The following SAMD5 variants were observed in gnomAD, a reference collection of about 807,000 sequenced individuals.
The protein encoded by SAMD5 is sterile alpha motif domain-containing protein 5.
In SAMD5, 13 loss-of-function variants were observed where a neutral mutation model predicts 11.3. That is an observed-to-expected ratio of 1.15 (90% CI 0.75 to 1.83). The LOEUF is 1.83. SAMD5 is among the 40% of genes most tolerant of loss of function. SAMD5 has a pLI of 0.00. For missense variants in SAMD5, 255 were observed against 239.1 expected (o/e 1.07, Z -0.44); for synonymous variants, 129 against 111.3 (o/e 1.16, Z -1.00).
chr6:147,673,067 T>C (rs1204708182), intron 1 of SAMD5, among the ~76,000 whole-genome samples: 3 of 152,190 alleles, frequency 2.0e-5, no homozygotes, highest in Non-Finnish European at 4.4e-5. Flanking sequence ...TCTAGAATAA[T>C]GTTGAATAGT....
At chr6:147,840,319 G>A in the SAMD5 span, among the ~76,000 whole-genome samples, 1 of 152,206 alleles carries the variant, frequency 6.6e-6, no homozygotes, top group African/African-American at 2.4e-5. Flanking sequence ...ACTGTGCCTG[G>A]GGTGAAACAT....
intron 1 of SAMD5, among the ~76,000 whole-genome samples, chr6:147,717,080 A>G (rs1301722485): frequency 6.6e-6 from 1 of 152,032 alleles, no homozygotes; most frequent in Non-Finnish European, 1.5e-5. Context: ...CTAAAATCCA[A>G]ATTTTTCATC....
intron 1 of SAMD5, among the ~76,000 whole-genome samples, chr6:147,526,388 A>G (rs1009313033): frequency 1.3e-5 from 2 of 152,236 alleles, no homozygotes; most frequent in African/African-American, 4.8e-5. Flanking sequence ...TGGAAATTAC[A>G]GTCTGGAGAA....
the SAMD5 span, among the ~76,000 whole-genome samples, chr6:147,835,716 A>G: frequency 6.6e-6 from 1 of 152,138 alleles, no homozygotes; most frequent in African/African-American, 2.4e-5. Context: ...AGTTGGGGCA[A>G]TGAACACAGG....
chr6:147,516,463 GA>G (rs954065559), intron 1 of SAMD5, among the ~76,000 whole-genome samples: 2 of 152,162 alleles, frequency 1.3e-5, no homozygotes, highest in Non-Finnish European at 2.9e-5. Flanking sequence ...CAAAACTAGT[GA>G]TTACCACATA....
chr6:147,843,541 T>C, the SAMD5 span, among the ~76,000 whole-genome samples: 26 of 152,112 alleles, frequency 1.7e-4, no homozygotes, highest in Non-Finnish European at 3.4e-4. Context: ...GTCAAAGCCA[T>C]CTTGACCAAA....
intron 1 of SAMD5, among the ~76,000 whole-genome samples, chr6:147,546,544 T>G (rs867879790): frequency 3.7e-5 from 2 of 54,024 alleles, no homozygotes; most frequent in African/African-American, 8.3e-5. Flanking sequence ...AAAAAAAAAA[T>G]AGAGTGAGGC....
At chr6:147,594,120 C>T (rs899038972) in intron 1 of SAMD5, among the ~76,000 whole-genome samples, 3 of 152,110 alleles carry the variant, frequency 2.0e-5, no homozygotes, top group Non-Finnish European at 4.4e-5. Context: ...CAGAGTGAGA[C>T]TTGGTCTCAA....
the SAMD5 span, among the ~76,000 whole-genome samples, chr6:147,916,535 G>C: frequency 6.6e-6 from 1 of 151,890 alleles, no homozygotes. Context: ...ATGTCTGTTG[G>C]CTGCATAAAT....
chr6:147,538,828 A>G (rs1468958162), intron 1 of SAMD5, among the ~76,000 whole-genome samples: 1 of 152,186 alleles, frequency 6.6e-6, no homozygotes, highest in Non-Finnish European at 1.5e-5. Context: ...TTTCCAAAAG[A>G]TGACCGAGGT....
chr6:147,757,378 T>A, the SAMD5 span, among the ~76,000 whole-genome samples: 2 of 152,220 alleles, frequency 1.3e-5, no homozygotes, highest in African/African-American at 4.8e-5. Context: ...TTCCTTGATC[T>A]AAGAATGGAC....
chr6:147,620,011 C>T (rs747191067), intron 1 of SAMD5, among the ~76,000 whole-genome samples: 22 of 152,290 alleles, frequency 1.4e-4, no homozygotes, highest in Non-Finnish European at 2.1e-4. Context: ...AAGGCTTCTA[C>T]GTGAAATATA....
the SAMD5 span, among the ~76,000 whole-genome samples, chr6:147,885,191 A>T: frequency 6.6e-6 from 1 of 152,078 alleles, no homozygotes; most frequent in Non-Finnish European, 1.5e-5. Flanking sequence ...AGGTGTGGTC[A>T]CTCACACCTG....
the SAMD5 span, among the ~76,000 whole-genome samples, chr6:147,836,384 T>C: frequency 6.6e-6 from 1 of 152,194 alleles, no homozygotes; most frequent in Admixed American, 6.5e-5. Flanking sequence ...AGATGCTCCT[T>C]GACTTGCGAA....
At chr6:147,680,556 G>A (rs1317168257) in intron 1 of SAMD5, among the ~76,000 whole-genome samples, 1 of 152,040 alleles carries the variant, frequency 6.6e-6, no homozygotes, top group Admixed American at 6.6e-5. Context: ...ATGTTTAATA[G>A]ATATGGTGAG....
chr6:147,671,889 A>ATTTTTTTTTTTTTT (rs56865442), intron 1 of SAMD5, among the ~76,000 whole-genome samples: 7 of 98,062 alleles, frequency 7.1e-5, no homozygotes, highest in Admixed American at 1.1e-4. Context: ...CTTTTTCAGG[A>ATTTTTTTTTTTTTT]TTTTTTTTTT....
At chr6:147,578,073 T>C (rs1413461841) in intron 1 of SAMD5, among the ~76,000 whole-genome samples, 1 of 152,174 alleles carries the variant, frequency 6.6e-6, no homozygotes, top group Non-Finnish European at 1.5e-5. Flanking sequence ...GAAATGCATT[T>C]ACAAAGCTCA....
chr6:147,766,959 A>G, the SAMD5 span, among the ~76,000 whole-genome samples: 1 of 149,184 alleles, frequency 6.7e-6, no homozygotes, highest in Admixed American at 6.9e-5. Flanking sequence ...AGATGAACAC[A>G]CAGTAGCTTT....
chr6:147,569,219 TAAA>T lies in SAMD5; in HGVS notation c.*4777_*4779del, dbSNP rs71552979. The T allele has an allele frequency of 8.7e-4, 187 of 215,436 alleles. No individual in the cohort carries two copies. The highest frequency in any genetic ancestry group is 1.2e-3 in the Non-Finnish European group (175 of 148,876). 13.3% of individuals were successfully genotyped at this position (215,436 alleles called of 1,614,324 possible). A position where few individuals can be genotyped will look rare whatever the true frequency, so the allele number is the denominator to read the frequency against. On this transcript the variant is annotated 3_prime_UTR_variant, in exon 2 of 2. Transcript: ENST00000367474. Reference sequence around the variant, plus strand: ...CTGGGCAACAGAGTGAGACTCTGTCTAAAAAAAAAAAAAAAAGAAAAGAAAAAA... The same window carrying T: ...CTGGGCAACAGAGTGAGACTCTGTCTAAAAAAAAAAAAAGAAAAGAAAAAA...
Sources: allele counts gnomAD v4.1 joint callset (sites outside exome capture counted in the v4.1 genomes callset), GRCh38; gene constraint gnomAD v4.1.1; transcripts MANE v1.5; gene names NCBI Gene and HGNC (gene_info 2026-07-23, HGNC 2026-07-21).